The following CCSER1 variants were observed in gnomAD, a reference collection of about 807,000 sequenced individuals.
CCSER1 encodes serine-rich coiled-coil domain-containing protein 1.
In CCSER1, 41 loss-of-function variants were observed where a neutral mutation model predicts 82.0. The ratio of observed to expected loss-of-function variants is 0.50; its 90% confidence interval spans 0.39 to 0.65. The LOEUF (loss-of-function observed/expected upper bound fraction) is 0.65. CCSER1 is among the 30% of genes least tolerant of loss of function. The pLI is 0.00. For synonymous variants in CCSER1, 414 were observed against 383.9 expected (o/e 1.08, Z -0.92); for missense variants, 1,119 against 1,064.2 (o/e 1.05, Z -0.72).
rs55638023 is a variant in CCSER1, at chr4:91,168,313, C to A, written c.2217+82319C>A. On this transcript the variant is annotated intron_variant, in intron 10 of 10. Coordinates refer to ENST00000509176, the MANE Select transcript of CCSER1 (RefSeq NM_001145065.2). ...GCCGCCCCTTCTGGGATGTGAGGAG[C>A]GCCTCTGCCCGGCCACCCCCTCTGG... 3.9e-3 allele frequency among the ~76,000 whole-genome samples: 546 copies of A among 138,890 alleles called. 2 individuals are homozygous for A. Among genetic ancestry groups the A allele is most frequent in the African/African-American group, 0.014 (511 of 36,348 alleles). 91.1% of individuals were successfully genotyped at this position (138,890 alleles called of 152,430 possible).
Position 91,165,651 on chromosome 4 carries a change from C to T in CCSER1, c.2217+79657C>T, listed in dbSNP as rs539290943. ...CCTCAGCAATGGCAGACGCCCCTCC[C>T]CCTGCCAGGCTGCTGCCTCGCAAGT... On this transcript the variant is annotated intron_variant, in intron 10 of 10. Coordinates refer to ENST00000509176, the MANE Select transcript of CCSER1 (RefSeq NM_001145065.2). Among the ~76,000 whole-genome samples the T allele has an allele frequency of 2.6e-5, 4 of 152,358 alleles. No individual in the cohort carries two copies. The South Asian group carries it at 6.2e-4, about 24-fold the overall frequency.
chr4:91,422,699 G>T lies in CCSER1; in HGVS notation c.2218-175873G>T, dbSNP rs969793674. On this transcript the variant is annotated intron_variant, in intron 10 of 10. Transcript: ENST00000509176. ...TCTGGCCTTAATTTTGTATAAAAAA[G>T]AAAAAAACAGATGCATTAAGATAAA... Among the ~76,000 whole-genome samples, 4 of 151,850 alleles carry T rather than the reference G, an allele frequency of 2.6e-5. No homozygotes were observed. In the East Asian group the frequency reaches 7.7e-4, roughly 29 times the overall value.
intron 1 of CCSER1, among the ~76,000 whole-genome samples, chr4:90,255,106 A>C (rs1006889076): frequency 6.6e-6 from 1 of 152,154 alleles, no homozygotes; most frequent in Non-Finnish European, 1.5e-5. Flanking sequence ...TTTTTAAAGC[A>C]TAAGTCAAGC....
At chr4:90,588,199 A>G (rs1430158162) in intron 5 of CCSER1, among the ~76,000 whole-genome samples, 1 of 152,146 alleles carries the variant, frequency 6.6e-6, no homozygotes, top group African/African-American at 2.4e-5. Flanking sequence ...TCAAGTTTCC[A>G]CCCTGATTCA....
chr4:90,554,091 T>C (rs974546689), intron 5 of CCSER1, among the ~76,000 whole-genome samples: 1 of 152,228 alleles, frequency 6.6e-6, no homozygotes, highest in African/African-American at 2.4e-5. Context: ...CTGGGTGCTG[T>C]GGCTCACACC....
At chr4:90,715,822 A>G (rs889057051) in intron 6 of CCSER1, among the ~76,000 whole-genome samples, 1 of 152,062 alleles carries the variant, frequency 6.6e-6, no homozygotes, top group Non-Finnish European at 1.5e-5. Flanking sequence ...ATTTGAATGT[A>G]TCTTTCAGCC....
At chr4:90,825,933 A>T (rs1205086922) in intron 8 of CCSER1, among the ~76,000 whole-genome samples, 2 of 151,608 alleles carry the variant, frequency 1.3e-5, no homozygotes, top group African/African-American at 4.8e-5. Context: ...CTCGTGATCC[A>T]CCTGCCTCGT....
At chr4:91,212,671 C>T (rs577150483) in intron 10 of CCSER1, among the ~76,000 whole-genome samples, 2 of 152,152 alleles carry the variant, frequency 1.3e-5, no homozygotes, top group South Asian at 2.1e-4. Flanking sequence ...GTTACATGAG[C>T]TTTTAAATTA....
intron 4 of CCSER1, among the ~76,000 whole-genome samples, chr4:90,462,014 A>G (rs907170285): frequency 6.6e-6 from 1 of 152,174 alleles, no homozygotes; most frequent in South Asian, 2.1e-4. Flanking sequence ...TGCTATTTAC[A>G]GTCATGATGC....
chr4:90,706,259 T>G (rs977671075), intron 6 of CCSER1, among the ~76,000 whole-genome samples: 8 of 152,174 alleles, frequency 5.3e-5, no homozygotes, highest in Non-Finnish European at 1.0e-4. Context: ...AAAATTGCCC[T>G]TTCACATGGT....
chr4:90,241,875 G>T (rs114957221), intron 1 of CCSER1, among the ~76,000 whole-genome samples: 1,906 of 152,278 alleles, frequency 0.013, 28 homozygotes, highest in African/African-American at 0.037. Flanking sequence ...ATTAGTAATG[G>T]AATGATTATA....
chr4:90,937,460 G>A (rs897553620), intron 9 of CCSER1, among the ~76,000 whole-genome samples: 2 of 141,198 alleles, frequency 1.4e-5, no homozygotes, highest in Non-Finnish European at 3.0e-5. Context: ...AGCTTACGTC[G>A]TGTTGTATTT....
intron 10 of CCSER1, among the ~76,000 whole-genome samples, chr4:91,423,804 A>G (rs530771457): frequency 6.6e-6 from 1 of 152,164 alleles, no homozygotes; most frequent in Admixed American, 6.5e-5. Flanking sequence ...AAATCAACCA[A>G]GCAGTGTTCA....
At chr4:90,989,858 A>G (rs1217410287) in intron 9 of CCSER1, among the ~76,000 whole-genome samples, 2 of 151,804 alleles carry the variant, frequency 1.3e-5, no homozygotes, top group East Asian at 3.9e-4. Context: ...AGAAAGAAAG[A>G]AAGGAAGAGA....
chr4:90,786,340 C>T (rs552766673), intron 7 of CCSER1, among the ~76,000 whole-genome samples: 42 of 152,132 alleles, frequency 2.8e-4, no homozygotes, highest in Non-Finnish European at 5.1e-4. Flanking sequence ...CTTTTTTGGT[C>T]TGAATATTTT....
chr4:91,235,684 G>A (rs1393011015), intron 10 of CCSER1, among the ~76,000 whole-genome samples: 1 of 151,946 alleles, frequency 6.6e-6, no homozygotes, highest in Non-Finnish European at 1.5e-5. Context: ...CCTTGTGTAG[G>A]AGCTACGTAA....
At chr4:91,182,009 C>T (rs1404883848) in intron 10 of CCSER1, among the ~76,000 whole-genome samples, 1 of 152,184 alleles carries the variant, frequency 6.6e-6, no homozygotes, top group Non-Finnish European at 1.5e-5. Context: ...GCTGTCATAG[C>T]TACCATTAAA....
At chr4:90,689,519 TATC>T (rs1735435070) in intron 6 of CCSER1, among the ~76,000 whole-genome samples, 1 of 152,314 alleles carries the variant, frequency 6.6e-6, no homozygotes, top group African/African-American at 2.4e-5. Flanking sequence ...ATTATTCACT[TATC>T]ATTCATGCAG....
chr4:91,525,367 A>G (rs1316151671), intron 10 of CCSER1, among the ~76,000 whole-genome samples: 1 of 152,118 alleles, frequency 6.6e-6, no homozygotes, highest in Admixed American at 6.6e-5. Context: ...GACTAGATGT[A>G]GACATTAAGG....
Sources: allele counts gnomAD v4.1 joint callset (sites outside exome capture counted in the v4.1 genomes callset), GRCh38; gene constraint gnomAD v4.1.1; transcripts MANE v1.5; gene names NCBI Gene and HGNC (gene_info 2026-07-23, HGNC 2026-07-21).